Variants in ZMYM5 observed in about 807,000 individuals in gnomAD.
The protein encoded by ZMYM5 is zinc finger MYM-type protein 5.
A neutral mutation model predicts 61.8 loss-of-function variants in ZMYM5; 41 were observed. The ratio of observed to expected loss-of-function variants is 0.66; its 90% confidence interval spans 0.52 to 0.86. ZMYM5 has a LOEUF of 0.86. ZMYM5 is among the 40% of genes least tolerant of loss of function. ZMYM5 has a pLI of 0.00. For synonymous variants in ZMYM5, 257 were observed against 276.4 expected, an observed-to-expected ratio of 0.93 and a Z score of 0.70; for missense variants, 706 against 786.7, an observed-to-expected ratio of 0.90 and a Z score of 1.23.
chr13:19,851,653 T>C, intron 3 of ZMYM5, 36 bp downstream of exon 3: 1 of 1,553,614 alleles, frequency 6.4e-7, no homozygotes, highest in Non-Finnish European at 8.6e-7. Context: ...GAGTCAATTC[T>C]GTAGTGATAC....
rs975571010 is a variant in ZMYM5 at position 19,855,558 on chromosome 13, G to T, written c.-10-3368C>A. On this transcript the variant is annotated intron_variant, in intron 2 of 7. Transcript: ENST00000337963. The stretch of plus-strand genomic sequence containing the variant: ...ATTACAGGCATGAGCCACCGCGCCC[G>T]GCCCACAGTATCTTCTTATGTCTGC... Among the ~76,000 whole-genome samples, 7 of 151,546 alleles carry T rather than the reference G, an allele frequency of 4.6e-5. No individual in the cohort carries two copies. The Middle Eastern group carries it at 0.01, about 222-fold the overall frequency.
chr13:19,854,614 T>C (rs114701143), intron 2 of ZMYM5, among the ~76,000 whole-genome samples: 2,706 of 95,094 alleles, frequency 0.028, 77 homozygotes, highest in African/African-American at 0.089. Flanking sequence ...GGCAACACAA[T>C]AAGACTTCGT....
chr13:19,858,952 A>T (rs1046532388), intron 2 of ZMYM5, among the ~76,000 whole-genome samples: 2 of 151,916 alleles, frequency 1.3e-5, no homozygotes, highest in Non-Finnish European at 2.9e-5. Context: ...GATTCTAAAA[A>T]TTTTTTCTTT....
At chr13:19,858,820 C>T (rs1953608568) in intron 2 of ZMYM5, among the ~76,000 whole-genome samples, 1 of 152,104 alleles carries the variant, frequency 6.6e-6, no homozygotes, top group African/African-American at 2.4e-5. Context: ...CCACTGTAGG[C>T]TCAGAAATCT....
At chr13:19,831,811 A>AC (rs1891237424) in intron 7 of ZMYM5, among the ~76,000 whole-genome samples, 4 of 150,912 alleles carry the variant, frequency 2.7e-5, no homozygotes, top group South Asian at 2.1e-4. Flanking sequence ...AAAAAAAAAA[A>AC]AAACCATATG....
chr13:19,838,832 CA>C lies in ZMYM5; in HGVS notation c.739del (p.Cys247AlafsTer41). On this transcript the variant is annotated frameshift_variant, in exon 5 of 8. Coordinates refer to ENST00000337963, the MANE Select transcript of ZMYM5 (RefSeq NM_001142684.2). LOFTEE classifies it high-confidence loss of function. ...TKPAKITCAN[C>X]KKPLQKGQTA... ...CTGTCCCTTCTGTAAAGGCTTTTTGCAATTTGCACAAGTGATTTTAGCTGGT... is the reference window on the plus strand; with the variant it reads ...CTGTCCCTTCTGTAAAGGCTTTTTGCATTTGCACAAGTGATTTTAGCTGGT... The C allele has an allele frequency of 6.2e-7, 1 of 1,614,100 alleles. No homozygotes were observed. Among genetic ancestry groups the C allele is most frequent in the Non-Finnish European group, 8.5e-7 (1 of 1,180,036 alleles).
At chr13:19,859,391 TTTTGTTTGTTTG>T (rs531913720) in intron 2 of ZMYM5, among the ~76,000 whole-genome samples, 28 of 152,030 alleles carry the variant, frequency 1.8e-4, no homozygotes, top group Non-Finnish European at 2.9e-4. Flanking sequence ...AGTTCCCGTT[TTTTGTTTGTTTG>T]TTTGTTTGTT....
intron 7 of ZMYM5, among the ~76,000 whole-genome samples, chr13:19,831,555 G>C (rs1891214998): frequency 6.6e-6 from 1 of 151,726 alleles, no homozygotes; most frequent in South Asian, 2.1e-4. Flanking sequence ...CCAACACTTT[G>C]GGAGCCGAGG....
chr13:19,825,735 GA>G (rs947641519), intron 7 of ZMYM5, among the ~76,000 whole-genome samples: 2 of 151,350 alleles, frequency 1.3e-5, no homozygotes, highest in Non-Finnish European at 2.9e-5. Flanking sequence ...TCATATCCAA[GA>G]GGATGACTAT....
intron 7 of ZMYM5, among the ~76,000 whole-genome samples, chr13:19,832,629 A>G (rs1952564059): frequency 6.6e-6 from 1 of 152,076 alleles, no homozygotes; most frequent in Non-Finnish European, 1.5e-5. Flanking sequence ...CCCAGCCTAA[A>G]TCATCCATTT....
intron 4 of ZMYM5, among the ~76,000 whole-genome samples, chr13:19,844,137 C>CAAA (rs1228066138): frequency 1.5e-4 from 10 of 65,520 alleles, no homozygotes; most frequent in African/African-American, 4.5e-4. Flanking sequence ...GACTCCGTCT[C>CAAA]AAAAAAAAAA....
chr13:19,836,360 T>C (rs1879125753), intron 6 of ZMYM5, among the ~76,000 whole-genome samples: 1 of 152,010 alleles, frequency 6.6e-6, no homozygotes, highest in Non-Finnish European at 1.5e-5. Context: ...GCCTCCTGAA[T>C]AGCCCAGATT....
rs1473756540 is a variant in ZMYM5, at chr13:19,843,203, C to T, written c.587-4218G>A. ...TGTGATCTTGGCTCACTGCAACCTCCACCTCCCAGGTTGAAGTGATTCTCG... is the reference window on the plus strand; with the variant it reads ...TGTGATCTTGGCTCACTGCAACCTCTACCTCCCAGGTTGAAGTGATTCTCG... On this transcript the variant is annotated intron_variant, in intron 4 of 7. Coordinates refer to ENST00000337963, the MANE Select transcript of ZMYM5 (RefSeq NM_001142684.2). Among the ~76,000 whole-genome samples the T allele has an allele frequency of 4.0e-5, 6 of 150,222 alleles. No individual in the cohort carries two copies. In the East Asian group the frequency reaches 9.9e-4, roughly 25 times the overall value.
chr13:19,847,391 T>C (rs531081417), intron 4 of ZMYM5, among the ~76,000 whole-genome samples: 2 of 152,290 alleles, frequency 1.3e-5, no homozygotes, highest in African/African-American at 4.8e-5. Flanking sequence ...TCCAACCACC[T>C]ATCTATGTGA....
At chr13:19,831,252 AAACAGCTGGGACTACAGCCATGTGT>A (rs1233790801) in intron 7 of ZMYM5, among the ~76,000 whole-genome samples, 3 of 151,244 alleles carry the variant, frequency 2.0e-5, no homozygotes, top group Non-Finnish European at 4.4e-5. Context: ...TCAGGCTCCC[AAACAGCTGGGACTACAGCCATGTGT>A]CACCATGCCT....
intron 7 of ZMYM5, among the ~76,000 whole-genome samples, chr13:19,828,180 T>A (rs1437172752): frequency 6.6e-6 from 1 of 150,902 alleles, no homozygotes; most frequent in East Asian, 2.0e-4. Flanking sequence ...AAGTAAAAAA[T>A]GCAGAGGTGT....
In ZMYM5 at chr13:19,863,632, T is replaced by C. The variant is rs9579724; in HGVS notation, c.-261A>G. On this transcript the variant is annotated 5_prime_UTR_variant, in exon 1 of 8. Coordinates refer to ENST00000337963, the MANE Select transcript of ZMYM5 (RefSeq NM_001142684.2). ...CTCCGCGAGGTCCAGTCCCGGCTTT[T>C]CGCGCTGGTGAGGAGGCGGAGAAGC... The C allele has an allele frequency of 0.1, 15,232 of 152,484 alleles. 904 individuals are homozygous for C. Among genetic ancestry groups the C allele is most frequent in the African/African-American group, 0.17 (7,002 of 41,544 alleles). 9.4% of individuals were successfully genotyped at this position (152,484 alleles called of 1,614,324 possible). A position where few individuals can be genotyped will look rare whatever the true frequency, so the allele number is the denominator to read the frequency against.
chr13:19,859,144 T>C (rs532584979), intron 2 of ZMYM5, among the ~76,000 whole-genome samples: 3 of 151,458 alleles, frequency 2.0e-5, no homozygotes, highest in East Asian at 3.9e-4. Flanking sequence ...AAAAAAAAAA[T>C]GTCCCCTCTC....
intron 4 of ZMYM5, among the ~76,000 whole-genome samples, chr13:19,840,869 G>T (rs1406166548): frequency 5.9e-5 from 9 of 151,912 alleles, no homozygotes; most frequent in South Asian, 2.1e-4. Context: ...AGTAGAGACG[G>T]GGTTTCACCG....
Sources: gnomAD v4.1 joint callset for allele counts (sites outside exome capture counted in the v4.1 genomes callset) on GRCh38, gnomAD v4.1.1 for gene constraint, MANE v1.5 for transcripts, NCBI Gene and HGNC (gene_info 2026-07-23, HGNC 2026-07-21) for gene names.